Variants in ABCA2 observed in about 807,000 individuals in gnomAD.
ABCA2 encodes ATP binding cassette subfamily A member 2.
A neutral mutation model predicts 262.8 loss-of-function variants in ABCA2; 84 were observed. The observed-to-expected ratio is 0.32, with a 90% CI of 0.27 to 0.38. The LOEUF (loss-of-function observed/expected upper bound fraction) is 0.38, where lower values mean the gene tolerates loss of function less well. Among genes scored for constraint, ABCA2 ranks in the 10% least tolerant of loss-of-function variants. The pLI is 1.00. For missense variants in ABCA2, 2,662 were observed against 3,405.9 expected (o/e 0.78, Z 5.44); for synonymous variants, 1,696 against 1,502.9 (o/e 1.13, Z -2.97).
Position 137,009,811 on chromosome 9 carries a change from G to A in ABCA2, c.6588C>T (p.Ser2196=), listed in dbSNP as rs746892802. 1.9e-6 allele frequency: 3 copies of A among 1,612,480 alleles called. No individual in the cohort carries two copies. The highest frequency in any genetic ancestry group is 1.1e-5 in the South Asian group (1 of 91,052). Reference sequence around the variant, plus strand: ...GGTACCCAATGAGGGCGATGGCCGTGGAGAGCTTCCGCTTGTTGCCGCCGC... The same window carrying A: ...GGTACCCAATGAGGGCGATGGCCGTAGAGAGCTTCCGCTTGTTGCCGCCGC... ...TYSGGNKRKL[S]TAIALIGYPA... The change falls in exon 43 of 49, where the codon TCC becomes TCT. Residue 2196 remains serine (S), a synonymous_variant. Transcript: ENST00000341511.
Position 137,021,324 on chromosome 9 carries a change from C to A in ABCA2, c.897+68G>T. ...GCCCAGGAGCCCTGAGCTCTCCAAG[C>A]GGTCCCAGCCCCTCCTTCAACTCAG... On this transcript the variant is annotated intron_variant, in intron 8 of 48. Transcript: ENST00000341511. The surrounding 1 kb of genome is among the most constrained non-coding windows in gnomAD (Gnocchi z 6.0). 2.6e-6 allele frequency: 4 copies of A among 1,556,416 alleles called. No individual in the cohort carries two copies. The highest frequency in any genetic ancestry group is 2.3e-5 in the South Asian group (2 of 86,836).
Position 137,014,228 on chromosome 9 carries a change from A to G in ABCA2, c.4180T>C (p.Tyr1394His). The G allele has an allele frequency of 1.2e-6, 2 of 1,610,242 alleles. No individual in the cohort carries two copies. The highest frequency in any genetic ancestry group is 1.7e-6 in the Non-Finnish European group (2 of 1,178,822). ...GDEGAGYTDV[Y>H]GDYRPLFDNP... The stretch of plus-strand genomic sequence containing the variant: ...TCAAAGAGGGGGCGGTAGTCGCCAT[A>G]GACGTCGGTGTAGCCAGCTCCCTCG... Residue 1394 changes from tyrosine to histidine, a missense_variant, in exon 27 of 49, where the codon TAT (tyrosine) becomes CAT (histidine). By Grantham distance (83) the Tyr-to-His change is moderately conservative. Transcript: ENST00000341511.
chr9:137,014,431 C>T, intron 26 of ABCA2, 27 bp from the exon 27 acceptor site: 4 of 1,561,080 alleles, frequency 2.6e-6, no homozygotes, highest in Non-Finnish European at 3.5e-6. Flanking sequence ...GCCGAGGGGA[C>T]ACTCAGGGCT....
upstream of ABCA2, chr9:137,028,300 C>A (rs1831732358): frequency 9.2e-6 from 9 of 974,396 alleles, no homozygotes; most frequent in Non-Finnish European, 1.1e-5. This position sits in a 1 kb window ranked among gnomAD's most constrained non-coding sequence, Gnocchi z 6.9. Context: ...GCGGCCGCGG[C>A]GACAGCGACT....
chr9:137,015,625 G>T (rs1175179613), intron 23 of ABCA2, 29 bp from the exon 24 acceptor site: 1 of 1,611,786 alleles, frequency 6.2e-7, no homozygotes, highest in African/African-American at 1.3e-5. Context: ...CAGGGTCAGG[G>T]GGCAGGGGAG....
rs949700850 is a variant in ABCA2, at chr9:137,015,073, G to C, written c.3722C>G (p.Pro1241Arg). 2 of 1,597,186 alleles carry C rather than the reference G, an allele frequency of 1.3e-6. No homozygotes were observed. The highest frequency in any genetic ancestry group is 1.8e-5 in the Admixed American group (1 of 56,738). Residue 1241 changes from proline to arginine, a missense_variant, in exon 25 of 49, where the codon CCA (proline) becomes CGA (arginine). Pro to Arg is a moderately radical substitution (Grantham distance 103). This residue lies in a region of ABCA2 where 297 missense variants were observed against 286.5 expected (regional missense o/e 1.04). Transcript: ENST00000341511. ...GCAGCTGCTCAGCGGGGCCCGACCT[G>C]GGGGGCTGGATGCCAGCCCTGGCTC... ...PQEPGLASSP[P>R]GRAPLSSCSE...
chr9:137,009,059 G>A lies in ABCA2; in HGVS notation c.6828-6C>T, dbSNP rs1310237849. On this transcript the variant is annotated splice_polypyrimidine_tract_variant and splice_region_variant and intron_variant, in intron 45 of 48. Transcript: ENST00000341511. ...TCATGTAGCCATCTCCAAACCTGGTGGGACAGGCCGGTGGCCCGGAGCCCT... is the reference window on the plus strand; with the variant it reads ...TCATGTAGCCATCTCCAAACCTGGTAGGACAGGCCGGTGGCCCGGAGCCCT... The A allele has an allele frequency of 1.2e-6, 2 of 1,604,446 alleles. No individual in the cohort carries two copies. Among genetic ancestry groups the A allele is most frequent in the Admixed American group, 1.7e-5 (1 of 59,948 alleles).
Position 137,012,467 on chromosome 9 carries a change from G to A in ABCA2, c.5187+18C>T, listed in dbSNP as rs765099196. The A allele has an allele frequency of 3.7e-6, 6 of 1,610,470 alleles. No individual in the cohort carries two copies. The highest frequency in any genetic ancestry group is 1.1e-5 in the South Asian group (1 of 91,056). ...CGGCGCTACACACAGCGGGGCCCAGGCCCGCAGCCTCGCTCACCTGGGCAG... is the reference window on the plus strand; with the variant it reads ...CGGCGCTACACACAGCGGGGCCCAGACCCGCAGCCTCGCTCACCTGGGCAG... On this transcript the variant is annotated intron_variant, in intron 32 of 48. Coordinates refer to ENST00000341511, the MANE Select transcript of ABCA2 (RefSeq NM_001606.5).
rs372348610 is a variant in ABCA2, at chr9:137,010,164, G to T, written c.6353+29C>A. 6,475 of 1,593,038 alleles carry T rather than the reference G, an allele frequency of 4.1e-3. 19 individuals carry two copies. The highest frequency in any genetic ancestry group is 5.0e-3 in the Non-Finnish European group (5,843 of 1,174,630). ...GCTGTCAGCGCGTGAGGACGCGGCG[G>T]CCCCGCCCACCCAGGGCTCCCGCCC... On this transcript the variant is annotated intron_variant, in intron 41 of 48. Transcript: ENST00000341511.
At chr9:137,016,537 G>A in intron 20 of ABCA2, 37 bp downstream of exon 20, 1 of 1,612,234 alleles carries the variant, frequency 6.2e-7, no homozygotes, top group Non-Finnish European at 8.5e-7. Flanking sequence ...TCTGAACCCA[G>A]CGCCCACCCC....
intron 9 of ABCA2, 46 bp downstream of exon 9, chr9:137,020,648 G>GC: frequency 6.3e-7 from 1 of 1,592,250 alleles, no homozygotes; most frequent in Non-Finnish European, 8.5e-7. Context: ...CTCACGCCCT[G>GC]CCCCTGGCTG....
chr9:137,019,837 T>C lies in ABCA2; in HGVS notation c.1425+499A>G, dbSNP rs1477035864. ...TGCCCACCAGCTCCTTTGCTGGACC[T>C]GTCTCCATGTGTCCCTTAAGCACCC... On this transcript the variant is annotated intron_variant, in intron 10 of 48. Coordinates refer to ENST00000341511, the MANE Select transcript of ABCA2 (RefSeq NM_001606.5). The surrounding 1 kb of genome is among the most constrained non-coding windows in gnomAD (Gnocchi z 4.4). 3 of 193,492 alleles carry C rather than the reference T, an allele frequency of 1.6e-5. No homozygotes were observed. The highest frequency in any genetic ancestry group is 8.3e-5 in the South Asian group (1 of 12,080). The allele number at this position is 193,492 out of a possible 1,614,324, so 12.0% of individuals were successfully genotyped here. A position where few individuals can be genotyped will look rare whatever the true frequency, so the allele number is the denominator to read the frequency against.
At position 137,017,265 on chromosome 9, in the gene ABCA2, G is replaced by C; in HGVS notation, c.2484C>G (p.Pro828=). The C allele has an allele frequency of 6.2e-7, 1 of 1,612,692 alleles. No individual in the cohort carries two copies. Among genetic ancestry groups the C allele is most frequent in the Non-Finnish European group, 8.5e-7 (1 of 1,179,924 alleles). ...GGIIYFLSYV[P]YMYVAIREEV... is the part of the protein sequence containing the mutation. Reference sequence around the variant, plus strand: ...CCTCTCGGATCGCCACGTACATGTAGGGCACGTAGCTCAGGAAGTAGATGA... The same window carrying C: ...CCTCTCGGATCGCCACGTACATGTACGGCACGTAGCTCAGGAAGTAGATGA... The change falls in exon 18 of 49, where the codon CCC becomes CCG. Residue 828 remains proline (P), a synonymous_variant. Coordinates refer to ENST00000341511, the MANE Select transcript of ABCA2 (RefSeq NM_001606.5).
At chr9:137,012,442 C>A in intron 32 of ABCA2, 43 bp downstream of exon 32, 2 of 1,608,470 alleles carry the variant, frequency 1.2e-6, no homozygotes, top group Non-Finnish European at 8.5e-7. Context: ...AGACCTCGGG[C>A]GGCGCTACAC....
intron 10 of ABCA2, 134 bp downstream of exon 10, chr9:137,020,202 G>A (rs1469813987): frequency 4.2e-6 from 5 of 1,201,212 alleles, no homozygotes; most frequent in Non-Finnish European, 4.7e-6. Context: ...TGCAGAGCCT[G>A]TGTCCCATCC....
At chr9:137,009,201 C>A (rs1273816482) in intron 45 of ABCA2, 148 bp from the exon 46 acceptor site, 7 of 966,878 alleles carry the variant, frequency 7.2e-6, no homozygotes, top group African/African-American at 1.7e-5. Context: ...CCACAGCCCT[C>A]CAGGCTCCTC....
At chr9:137,023,762 G>A (rs571436350) in intron 3 of ABCA2, 76 bp downstream of exon 3, 11 of 720,650 alleles carry the variant, frequency 1.5e-5, no homozygotes, top group South Asian at 1.0e-4. Flanking sequence ...CGGGGAGGGC[G>A]CTCAAGCCAG....
Position 137,009,831 on chromosome 9 carries a change from C to T in ABCA2, c.6568G>A (p.Gly2190Ser), listed in dbSNP as rs2131428134. The T allele has an allele frequency of 2.5e-6, 4 of 1,612,530 alleles. No homozygotes were observed. The highest frequency in any genetic ancestry group is 1.1e-5 in the South Asian group (1 of 91,038). Residue 2190 changes from glycine (G) to serine (S), a missense_variant, in exon 43 of 49, where the codon GGC (glycine) becomes AGC (serine). Physicochemically the swap from Gly to Ser is moderately conservative, Grantham distance 56. Transcript: ENST00000341511. ...ADKPAGTYSG[G>S]NKRKLSTAIA... ...GCCGTGGAGAGCTTCCGCTTGTTGC[C>T]GCCGCTGTAGGTGCCAGCCGGCTTG...
Position 137,009,908 on chromosome 9 carries a change from C to G in ABCA2, c.6496-5G>C. 1.2e-6 allele frequency: 2 copies of G among 1,604,344 alleles called. No homozygotes were observed. The highest frequency in any genetic ancestry group is 1.7e-6 in the Non-Finnish European group (2 of 1,174,388). On this transcript the variant is annotated splice_region_variant and splice_polypyrimidine_tract_variant and intron_variant, in intron 42 of 48. Coordinates refer to ENST00000341511, the MANE Select transcript of ABCA2 (RefSeq NM_001606.5). ...CTCCAGAGCCCACTTCACCACCTGG[C>G]CAGGGAACGCAGGTGTCAGTGGAGG... is the stretch of plus-strand genomic sequence containing the variant.
Sources: gnomAD v4.1 joint callset for allele counts on GRCh38, gnomAD v4.1.1 for gene constraint, gnomAD v4.1.1 regional missense constraint, Gnocchi (gnomAD v3.1) non-coding constraint, MANE v1.5 for transcripts, NCBI Gene and HGNC (gene_info 2026-07-23, HGNC 2026-07-21) for gene names.